IQSEC2: variants seen among roughly 807,000 people sequenced by gnomAD.
IQSEC2 encodes IQ motif and Sec7 domain ArfGEF 2.
A neutral mutation model predicts 74.6 loss-of-function variants in IQSEC2; 6 were observed. That is an observed-to-expected ratio of 0.08 (90% CI 0.04 to 0.16). The LOEUF is 0.16. Among genes scored for constraint, IQSEC2 ranks in the 10% least tolerant of loss-of-function variants. The pLI is 1.00. For synonymous variants in IQSEC2, 494 were observed against 544.5 expected (o/e 0.91, Z 1.29); for missense variants, 734 against 1,306.2 (o/e 0.56, Z 6.75).
Position 53,321,044 on chromosome X carries a change from T to C in IQSEC2, c.80A>G (p.Asn27Ser). 2.6e-6 allele frequency: 3 copies of C among 1,155,408 alleles called. No individual in the cohort carries two copies. The highest frequency in any genetic ancestry group is 3.4e-6 in the Non-Finnish European group (3 of 871,587). Residue 27 changes from asparagine (N) to serine (S), a missense_variant, in exon 1 of 15, where the codon AAC becomes AGC. Asn to Ser is a conservative substitution (Grantham distance 46). Coordinates refer to ENST00000642864, the MANE Select transcript of IQSEC2 (RefSeq NM_001111125.3). Reference protein sequence around the residue: ...NRAVEYLLELNNIIESQQQLL... With the variant: ...NRAVEYLLELSNIIESQQQLL... ...CTGCTGCTGGCTCTCGATGATGTTGTTCAGCTCCAGCAGGTACTCCACGGC... is the reference window on the plus strand; with the variant it reads ...CTGCTGCTGGCTCTCGATGATGTTGCTCAGCTCCAGCAGGTACTCCACGGC...
chrX:53,275,401 G>A (rs1277284668), intron 2 of IQSEC2, among the ~76,000 whole-genome samples: 1 of 111,235 alleles, frequency 9.0e-6, no homozygotes, highest in Non-Finnish European at 1.9e-5. Flanking sequence ...CAATCCACCC[G>A]CCTCAGCCTC....
intron 2 of IQSEC2, among the ~76,000 whole-genome samples, chrX:53,280,046 G>A (rs782258961): frequency 2.7e-5 from 3 of 110,132 alleles, no homozygotes; most frequent in East Asian, 2.9e-4. Context: ...GGGGGCAGTA[G>A]AGACGAAAGA....
At chrX:53,298,940 C>T (rs1188076505) in intron 1 of IQSEC2, among the ~76,000 whole-genome samples, 1 of 111,773 alleles carries the variant, frequency 8.9e-6, no homozygotes, top group Non-Finnish European at 1.9e-5. Flanking sequence ...TGTTTGTTTG[C>T]TTTTTCAATC....
downstream of IQSEC2, chrX:53,227,573 G>A (rs1230729744): frequency 1.6e-5 from 5 of 307,589 alleles, no homozygotes; most frequent in East Asian, 4.8e-5. Flanking sequence ...ACTGCCCATC[G>A]GGCAGCACCC....
Position 53,250,596 on chromosome X carries a change from C to T in IQSEC2, c.1980G>A (p.Gly660=), listed in dbSNP as rs1556863127. ...APEGPAPAPP[G]PLPPAPNSGT... The stretch of plus-strand genomic sequence containing the variant: ...CACTGTTGGGGGCTGGTGGCAGGGG[C>T]CCTGGTGGGGCTGGGGCTGGGCCTT... The change falls in exon 5 of 15, where the codon GGG becomes GGA. Residue 660 remains glycine (G), a synonymous_variant. Transcript: ENST00000642864. 1 of 1,209,172 alleles carries T rather than the reference C, an allele frequency of 8.3e-7. No individual in the cohort carries two copies.
In IQSEC2 at chrX:53,238,131, G is replaced by A; in HGVS notation, c.3277+14C>T. ...TTCAGGAGAGCAGGGAGGAGACATG[G>A]CTGGGCTACTCACACTCCACACGGT... On this transcript the variant is annotated intron_variant, in intron 12 of 14. Transcript: ENST00000642864. 8.4e-7 allele frequency: 1 copy of A among 1,193,781 alleles called. No homozygotes were observed. Among genetic ancestry groups the A allele is most frequent in the South Asian group, 1.8e-5 (1 of 54,728 alleles).
intron 11 of IQSEC2, 133 bp from the exon 12 acceptor site, chrX:53,238,439 G>C: frequency 1.3e-5 from 8 of 615,039 alleles, no homozygotes; most frequent in Non-Finnish European, 2.1e-5. Flanking sequence ...GAGTGCAGTG[G>C]TGCCATCATG....
chrX:53,263,765 C>A (rs1430490387), intron 2 of IQSEC2, among the ~76,000 whole-genome samples: 1 of 111,598 alleles, frequency 9.0e-6, no homozygotes, highest in African/African-American at 3.3e-5. Context: ...GACTCCCTCC[C>A]CTGTGTCTTA....
In IQSEC2 at chrX:53,284,765, G is replaced by A. The variant is rs183603597; in HGVS notation, c.737+7130C>T. ...CACCGGGCACCTGGTCACACATGGT[G>A]GGGGGACAATGGACAGAGGTGGAGG... On this transcript the variant is annotated intron_variant, in intron 2 of 14. Coordinates refer to ENST00000642864, the MANE Select transcript of IQSEC2 (RefSeq NM_001111125.3). Among the ~76,000 whole-genome samples, 8 of 112,081 alleles carry A rather than the reference G, an allele frequency of 7.1e-5. No homozygotes were observed. In the East Asian group the frequency reaches 1.7e-3, roughly 24 times the overall value.
intron 13 of IQSEC2, 54 bp from the exon 14 acceptor site, chrX:53,235,886 T>A: frequency 9.1e-7 from 1 of 1,097,797 alleles, no homozygotes; most frequent in South Asian, 2.0e-5. Context: ...CCCCCTACCC[T>A]GCTGGGCTCC....
intron 1 of IQSEC2, among the ~76,000 whole-genome samples, chrX:53,311,121 CAAA>C (rs56198617): frequency 9.3e-5 from 2 of 21,561 alleles, no homozygotes; most frequent in Admixed American, 1.1e-3. Flanking sequence ...GACTCCATCT[CAAA>C]AAAAAAAAAA....
chrX:53,266,368 A>G (rs1556867658), intron 2 of IQSEC2: 4 of 751,803 alleles, frequency 5.3e-6, no homozygotes, highest in African/African-American at 2.3e-5. Flanking sequence ...CTTTGTACAC[A>G]GCAACACGCA....
intron 2 of IQSEC2, among the ~76,000 whole-genome samples, chrX:53,282,779 T>TA (rs1443713906): frequency 1.8e-5 from 2 of 109,377 alleles, no homozygotes; most frequent in Non-Finnish European, 3.8e-5. Flanking sequence ...ATCTGCCTTT[T>TA]TTTTTTTTTT....
intron 2 of IQSEC2, among the ~76,000 whole-genome samples, chrX:53,282,891 C>T (rs1556871182): frequency 9.0e-6 from 1 of 111,125 alleles, no homozygotes; most frequent in South Asian, 3.8e-4. Flanking sequence ...TGGCAGGAGC[C>T]GAGAGACATT....
intron 2 of IQSEC2, among the ~76,000 whole-genome samples, chrX:53,291,506 G>A (rs949495721): frequency 9.0e-6 from 1 of 110,983 alleles, no homozygotes; most frequent in Non-Finnish European, 1.9e-5. Context: ...ACAGATTCAG[G>A]GTGGAAAGTG....
chrX:53,281,622 A>G, intron 2 of IQSEC2: 1 of 990,907 alleles, frequency 1.0e-6, no homozygotes, highest in East Asian at 3.6e-5. Flanking sequence ...GGAGGAACCA[A>G]GAAGGCGGGG....
At chrX:53,249,023 C>T (rs2074347525) in intron 5 of IQSEC2, 141 bp from the exon 6 acceptor site, 4 of 575,694 alleles carry the variant, frequency 6.9e-6, no homozygotes, top group Non-Finnish European at 1.1e-5. Flanking sequence ...GATCCAATCC[C>T]ATCATGGCAC....
chrX:53,312,446 C>T (rs2075331018), intron 1 of IQSEC2, among the ~76,000 whole-genome samples: 1 of 112,284 alleles, frequency 8.9e-6, no homozygotes, highest in South Asian at 3.6e-4. Context: ...ATAGAATTCT[C>T]TGCCTGTGAT....
chrX:53,311,832 C>T (rs1458018755), intron 1 of IQSEC2, among the ~76,000 whole-genome samples: 1 of 112,095 alleles, frequency 8.9e-6, no homozygotes, highest in Admixed American at 9.4e-5. Flanking sequence ...AGGAGAATTG[C>T]TTGAACCTGG....
Sources: allele counts gnomAD v4.1 joint callset (sites outside exome capture counted in the v4.1 genomes callset), GRCh38; gene constraint gnomAD v4.1.1; transcripts MANE v1.5; gene names NCBI Gene and HGNC (gene_info 2026-07-23, HGNC 2026-07-21).